GRID2: variants seen among roughly 807,000 people sequenced by gnomAD.
GRID2 encodes glutamate receptor ionotropic, delta-2.
GRID2 carries 33 observed loss-of-function variants against 114.8 expected under a neutral mutation model. The observed-to-expected ratio is 0.29, with a 90% CI of 0.22 to 0.38. The LOEUF is 0.38. Ranked by LOEUF, GRID2 falls within the 10% of genes least tolerant of loss-of-function variation. The pLI is 1.00. For missense variants in GRID2, 1,184 were observed against 1,257.7 expected, an observed-to-expected ratio of 0.94 and a Z score of 0.89; for synonymous variants, 505 against 449.9, an observed-to-expected ratio of 1.12 and a Z score of -1.55.
intron 2 of GRID2, among the ~76,000 whole-genome samples, chr4:92,784,912 C>A (rs1341945833): frequency 6.6e-6 from 1 of 151,766 alleles, no homozygotes; most frequent in Non-Finnish European, 1.5e-5. Flanking sequence ...AGTTTAAAGT[C>A]ATTTGCTTTG....
At chr4:93,359,771 C>T (rs1221826009) in intron 8 of GRID2, among the ~76,000 whole-genome samples, 4 of 125,816 alleles carry the variant, frequency 3.2e-5, no homozygotes, top group African/African-American at 1.2e-4. Context: ...TCATGGATAG[C>T]GCTACTGTTT....
intron 2 of GRID2, among the ~76,000 whole-genome samples, chr4:92,989,539 G>A (rs959035362): frequency 1.3e-5 from 2 of 151,706 alleles, no homozygotes; most frequent in African/African-American, 4.8e-5. Flanking sequence ...AAAAAGGTAC[G>A]ATAGGTTTTA....
chr4:93,779,451 C>G (rs910385192), downstream of GRID2, among the ~76,000 whole-genome samples: 2 of 152,010 alleles, frequency 1.3e-5, no homozygotes, highest in Non-Finnish European at 2.9e-5. Flanking sequence ...TCATGGTGGC[C>G]GGGGAGAGGG....
At chr4:92,741,172 C>T (rs1354809341) in intron 2 of GRID2, among the ~76,000 whole-genome samples, 1 of 152,074 alleles carries the variant, frequency 6.6e-6, no homozygotes, top group Non-Finnish European at 1.5e-5. Flanking sequence ...TCCTAAGTCC[C>T]ATGAATTTCC....
At chr4:92,324,050 C>T (rs755589021) in intron 1 of GRID2, among the ~76,000 whole-genome samples, 2 of 151,908 alleles carry the variant, frequency 1.3e-5, no homozygotes, top group African/African-American at 4.8e-5. Flanking sequence ...TACCTGTGCT[C>T]TACTATATTG....
chr4:93,423,771 G>A (rs1768570208), intron 10 of GRID2, among the ~76,000 whole-genome samples: 1 of 151,854 alleles, frequency 6.6e-6, no homozygotes, highest in Non-Finnish European at 1.5e-5. Context: ...AGTTTTTTGA[G>A]GCTCTGTTAT....
chr4:92,602,154 T>C (rs964280788), intron 2 of GRID2, among the ~76,000 whole-genome samples: 2 of 148,530 alleles, frequency 1.3e-5, no homozygotes, highest in Non-Finnish European at 3.0e-5. Context: ...TCACCCTAAC[T>C]CATTTTATGA....
chr4:93,330,637 G>T (rs543135762), intron 8 of GRID2, among the ~76,000 whole-genome samples: 1 of 151,820 alleles, frequency 6.6e-6, no homozygotes, highest in Non-Finnish European at 1.5e-5. Context: ...ACTCTTCAAC[G>T]CTACTCTCCC....
intron 13 of GRID2, among the ~76,000 whole-genome samples, chr4:93,552,799 A>G (rs911142091): frequency 8.4e-5 from 6 of 71,232 alleles, no homozygotes; most frequent in South Asian, 4.9e-4. Flanking sequence ...CCACCCCCCA[A>G]TAGGCCCCAG....
intron 13 of GRID2, among the ~76,000 whole-genome samples, chr4:93,529,103 T>C (rs1001860071): frequency 2.6e-5 from 4 of 152,184 alleles, no homozygotes; most frequent in Non-Finnish European, 4.4e-5. Flanking sequence ...TCAAAACTAA[T>C]TAAAATTCAC....
At chr4:93,199,842 T>C (rs1741884168) in intron 4 of GRID2, among the ~76,000 whole-genome samples, 1 of 152,212 alleles carries the variant, frequency 6.6e-6, no homozygotes, top group South Asian at 2.1e-4. Context: ...TCTCCCTATG[T>C]CTTGGCTTCA....
At chr4:93,301,857 C>T (rs1560474872) in intron 8 of GRID2, among the ~76,000 whole-genome samples, 2 of 152,074 alleles carry the variant, frequency 1.3e-5, no homozygotes, top group African/African-American at 2.4e-5. Flanking sequence ...TCATTTTGAT[C>T]GTCAACCAGA....
chr4:92,669,675 G>A (rs1001367000), intron 2 of GRID2, among the ~76,000 whole-genome samples: 5 of 151,812 alleles, frequency 3.3e-5, no homozygotes, highest in African/African-American at 1.2e-4. Context: ...AACTAATAGC[G>A]CCCTTTCCTT....
At chr4:93,005,055 A>AT (rs1422723346) in intron 2 of GRID2, among the ~76,000 whole-genome samples, 7 of 151,920 alleles carry the variant, frequency 4.6e-5, no homozygotes, top group African/African-American at 1.7e-4. Context: ...TGTTCCAGTG[A>AT]TTTGTAAATT....
At chr4:93,254,948 G>A (rs975619358) in intron 8 of GRID2, among the ~76,000 whole-genome samples, 5 of 151,860 alleles carry the variant, frequency 3.3e-5, no homozygotes, top group African/African-American at 9.7e-5. Context: ...TTTCCTTTCC[G>A]TGGTTGTCAC....
intron 2 of GRID2, among the ~76,000 whole-genome samples, chr4:92,633,232 C>G (rs949571312): frequency 1.3e-5 from 2 of 152,010 alleles, no homozygotes; most frequent in Non-Finnish European, 2.9e-5. Context: ...GCCAAGAACA[C>G]AGTATATTGA....
At chr4:92,673,921 A>G (rs941221320) in intron 2 of GRID2, among the ~76,000 whole-genome samples, 16 of 152,280 alleles carry the variant, frequency 1.1e-4, no homozygotes, top group African/African-American at 3.9e-4. Flanking sequence ...ACATGTATAC[A>G]TTTGTAACAA....
At chr4:93,307,235 G>A (rs575018076) in intron 8 of GRID2, among the ~76,000 whole-genome samples, 2 of 151,512 alleles carry the variant, frequency 1.3e-5, no homozygotes, top group African/African-American at 4.8e-5. Flanking sequence ...AAAAATAAGA[G>A]GAAAAGGAAA....
intron 2 of GRID2, among the ~76,000 whole-genome samples, chr4:92,983,683 A>T (rs1194456145): frequency 6.6e-6 from 1 of 152,088 alleles, no homozygotes; most frequent in Non-Finnish European, 1.5e-5. Flanking sequence ...AAGATGGAAA[A>T]CACCTATAGT....
Sources: allele counts gnomAD v4.1 joint callset (sites outside exome capture counted in the v4.1 genomes callset), GRCh38; gene constraint gnomAD v4.1.1; transcripts MANE v1.5; gene names NCBI Gene and HGNC (gene_info 2026-07-23, HGNC 2026-07-21).